The following BAZ1B variants were observed in gnomAD, a reference collection of about 807,000 sequenced individuals.
BAZ1B encodes the protein bromodomain adjacent to zinc finger domain 1B.
In BAZ1B, 22 loss-of-function variants were observed where a neutral mutation model predicts 153.8. That is an observed-to-expected ratio of 0.14 (90% CI 0.10 to 0.20). BAZ1B has a LOEUF of 0.20. Among genes scored for constraint, BAZ1B ranks in the 10% least tolerant of loss-of-function variants. The pLI, the probability that BAZ1B is intolerant of heterozygous loss-of-function variation, is 1.00. For synonymous variants in BAZ1B, 676 were observed against 633.4 expected, an observed-to-expected ratio of 1.07 and a Z score of -1.01; for missense variants, 1,325 against 1,799.3, an observed-to-expected ratio of 0.74 and a Z score of 4.77.
At chr7:73,470,105 T>A (rs1240802576) in intron 8 of BAZ1B, among the ~76,000 whole-genome samples, 2 of 152,228 alleles carry the variant, frequency 1.3e-5, no homozygotes, top group African/African-American at 4.8e-5. Flanking sequence ...ACATTTCACC[T>A]ATCACCATCA....
At chr7:73,463,440 A>G (rs1025419042) in intron 11 of BAZ1B, among the ~76,000 whole-genome samples, 3 of 151,700 alleles carry the variant, frequency 2.0e-5, no homozygotes, top group African/African-American at 7.3e-5. Flanking sequence ...GGGTCTTGCT[A>G]TGTTGCCCAG....
chr7:73,485,641 A>AAG (rs539444922), intron 6 of BAZ1B, among the ~76,000 whole-genome samples: 3 of 151,528 alleles, frequency 2.0e-5, no homozygotes, highest in African/African-American at 4.9e-5. Flanking sequence ...AAAAAAAAAA[A>AAG]AGAGAGAGAG....
chr7:73,474,549 C>A lies in BAZ1B; in HGVS notation c.2593+2319G>T, dbSNP rs548740881. Among the ~76,000 whole-genome samples the A allele has an allele frequency of 9.2e-5, 14 of 152,212 alleles. No homozygotes were observed. The East Asian group carries it at 2.5e-3, about 27-fold the overall frequency. ...CAGCACTCTGGGAGGCCAAGGCGTGCGGATCACCTGAGGTCAGGAGTTCGA... is the reference window on the plus strand; with the variant it reads ...CAGCACTCTGGGAGGCCAAGGCGTGAGGATCACCTGAGGTCAGGAGTTCGA... On this transcript the variant is annotated intron_variant, in intron 7 of 19. Transcript: ENST00000339594.
intron 9 of BAZ1B, among the ~76,000 whole-genome samples, chr7:73,467,531 G>A (rs953150284): frequency 5.9e-5 from 9 of 151,606 alleles, no homozygotes; most frequent in Admixed American, 2.6e-4. Context: ...CACCACACCC[G>A]GCTAATTTTT....
intron 5 of BAZ1B, among the ~76,000 whole-genome samples, chr7:73,491,222 G>A: frequency 6.6e-6 from 1 of 152,126 alleles, no homozygotes; most frequent in East Asian, 2.0e-4. Context: ...AGAGGCAGAG[G>A]CTGTAGTGAG....
At chr7:73,446,122 G>T (rs545875011) in intron 16 of BAZ1B, among the ~76,000 whole-genome samples, 12 of 152,168 alleles carry the variant, frequency 7.9e-5, no homozygotes, top group Non-Finnish European at 1.6e-4. Flanking sequence ...AAATCATTAG[G>T]TTTTGGCAGT....
rs1454029740 is a variant in BAZ1B at position 73,450,163 on chromosome 7, T to G, written c.3581-474A>C. Among the ~76,000 whole-genome samples the G allele has an allele frequency of 1.3e-5, 2 of 152,254 alleles. No individual in the cohort carries two copies. Among genetic ancestry groups the G allele is most frequent in the East Asian group, 3.9e-4 (2 of 5,168 alleles). On this transcript the variant is annotated intron_variant, in intron 14 of 19. Coordinates refer to ENST00000339594, the MANE Select transcript of BAZ1B (RefSeq NM_032408.4). The surrounding 1 kb of genome is among the most constrained non-coding windows in gnomAD (Gnocchi z 4.1). ...CCCGGGTTCAAGTGATTCTCCTGCTTCAGCCTCCCAAAGTGCTGGGATTAC... is the reference window on the plus strand; with the variant it reads ...CCCGGGTTCAAGTGATTCTCCTGCTGCAGCCTCCCAAAGTGCTGGGATTAC...
intron 4 of BAZ1B, among the ~76,000 whole-genome samples, chr7:73,497,458 G>C (rs1490399151): frequency 6.6e-6 from 1 of 152,106 alleles, no homozygotes; most frequent in African/African-American, 2.4e-5. Flanking sequence ...TATGGTCTGT[G>C]TAAGTTTTGA....
Position 73,510,828 on chromosome 7 carries a change from C to A in BAZ1B, c.132G>T (p.Arg44Ser). The change falls in exon 2 of 20, where the codon AGG becomes AGT. Residue 44 changes from arginine (R) to serine (S), a missense_variant. By Grantham distance (110) the Arg-to-Ser change is moderately radical. Coordinates refer to ENST00000339594, the MANE Select transcript of BAZ1B (RefSeq NM_032408.4). ...TGCACGTCCAAATGCGCTCACTGTA[C>A]CTTTCCAAGCGGGCTTCATACTCTC... ...TREEYEARLE[R>S]YSERIWTCKS... 6.2e-7 allele frequency: 1 copy of A among 1,614,162 alleles called. No individual in the cohort carries two copies. The highest frequency in any genetic ancestry group is 8.5e-7 in the Non-Finnish European group (1 of 1,180,026).
At position 73,465,468 on chromosome 7, in the gene BAZ1B, T is replaced by C; in HGVS notation, c.3042A>G (p.Glu1014=). The change falls in exon 11 of 20, where the codon GAA becomes GAG. Residue 1014 remains glutamate, a synonymous_variant. Coordinates refer to ENST00000339594, the MANE Select transcript of BAZ1B (RefSeq NM_032408.4). The part of the protein sequence containing the change: ...LNCLHPQGIR[E]SQLKERLEKR... ...TCTCTAGTCTCTCTTTAAGTTGACT[T>C]TCTCTTATTCCCTGAGGGTGAAGAC... 1 of 1,609,112 alleles carries C rather than the reference T, an allele frequency of 6.2e-7. No homozygotes were observed. Among genetic ancestry groups the C allele is most frequent in the Non-Finnish European group, 8.5e-7 (1 of 1,177,590 alleles).
rs145723706 is a variant in BAZ1B at position 73,502,141 on chromosome 7, G to A, written c.370-3443C>T. ...CCTGACCTCGTGATCTGCCTGCCTC[G>A]GCCTCCCAAAGTGCTGGGATTACAG... On this transcript the variant is annotated intron_variant, in intron 3 of 19. Coordinates refer to ENST00000339594, the MANE Select transcript of BAZ1B (RefSeq NM_032408.4). Among the ~76,000 whole-genome samples, 1,136 of 151,772 alleles carry A rather than the reference G, an allele frequency of 7.5e-3. 12 individuals are homozygous for A. Among genetic ancestry groups the A allele is most frequent in the African/African-American group, 0.026 (1,081 of 41,382 alleles).
intron 13 of BAZ1B, among the ~76,000 whole-genome samples, chr7:73,453,028 G>A (rs1179210486): frequency 9.2e-5 from 14 of 152,198 alleles, no homozygotes; most frequent in Non-Finnish European, 1.5e-4. Context: ...AAAGAGATTT[G>A]AGAGACAATC....
At chr7:73,469,094 C>G (rs1788700155) in intron 9 of BAZ1B, among the ~76,000 whole-genome samples, 1 of 150,398 alleles carries the variant, frequency 6.6e-6, no homozygotes, top group South Asian at 2.1e-4. Flanking sequence ...CACGCCATTG[C>G]TCTCCAGCCT....
chr7:73,489,715 C>G (rs1178758204), intron 5 of BAZ1B, among the ~76,000 whole-genome samples: 1 of 152,136 alleles, frequency 6.6e-6, no homozygotes, highest in African/African-American at 2.4e-5. Flanking sequence ...ATTACTTGAA[C>G]CCAGGAGTTC....
At position 73,522,063 on chromosome 7, in the gene BAZ1B, G is replaced by T; in HGVS notation, c.-130C>A. ...GGGAAGGGAGGGGTGAGAGGGCGGC[G>T]CGAACTCCGGCTCCCTCACCGCCGG... On this transcript the variant is annotated 5_prime_UTR_variant, in exon 1 of 20. Transcript: ENST00000339594. 1 of 563,044 alleles carries T rather than the reference G, an allele frequency of 1.8e-6. No individual in the cohort carries two copies. The highest frequency in any genetic ancestry group is 3.5e-5 in the East Asian group (1 of 28,410). The allele number at this position is 563,044 out of a possible 1,614,324, so 34.9% of individuals were successfully genotyped here.
In BAZ1B at chr7:73,477,484, T is replaced by C; in HGVS notation, c.1977A>G (p.Leu659=). ...LYLNRVLVIL[L]QTLLQDEIAE... ...CTATCTCATCTTGTAGGAGGGTCTG[T>C]AAGAGGATGACCAACACCCTGTTAA... Residue 659 remains leucine, a synonymous_variant, in exon 7 of 20, where the codon TTA becomes TTG. Coordinates refer to ENST00000339594, the MANE Select transcript of BAZ1B (RefSeq NM_032408.4). This position sits in a 1 kb window ranked among gnomAD's most constrained non-coding sequence, Gnocchi z 5.6. 6.2e-7 allele frequency: 1 copy of C among 1,614,216 alleles called. No homozygotes were observed. Among genetic ancestry groups the C allele is most frequent in the Non-Finnish European group, 8.5e-7 (1 of 1,180,020 alleles).
rs1787998456 is a variant in BAZ1B at position 73,450,595 on chromosome 7, C to T, written c.3580+252G>A. ...TACAAGGATTAACTAATTTTGTTTT[C>T]TGTAAAAAATCAGAAGATTGAAGAG... On this transcript the variant is annotated intron_variant, in intron 14 of 19. Transcript: ENST00000339594. The surrounding 1 kb of genome is among the most constrained non-coding windows in gnomAD (Gnocchi z 4.1). Among the ~76,000 whole-genome samples, 1 of 152,120 alleles carries T rather than the reference C, an allele frequency of 6.6e-6. No homozygotes were observed. Among genetic ancestry groups the T allele is most frequent in the Non-Finnish European group, 1.5e-5 (1 of 68,008 alleles).
At chr7:73,443,892 C>T in intron 17 of BAZ1B, 92 bp downstream of exon 17, 1 of 1,554,368 alleles carries the variant, frequency 6.4e-7, no homozygotes, top group Non-Finnish European at 8.8e-7. Flanking sequence ...GGGGGAGGCT[C>T]CCCTCCCACC....
chr7:73,512,321 C>G (rs1790620751), intron 1 of BAZ1B, among the ~76,000 whole-genome samples: 1 of 150,370 alleles, frequency 6.7e-6, no homozygotes, highest in Non-Finnish European at 1.5e-5. Context: ...TTTAGCTGAT[C>G]AACTGTTTTT....
Sources: gnomAD v4.1 joint callset for allele counts (sites outside exome capture counted in the v4.1 genomes callset) on GRCh38, gnomAD v4.1.1 for gene constraint, Gnocchi (gnomAD v3.1) non-coding constraint, MANE v1.5 for transcripts, NCBI Gene and HGNC (gene_info 2026-07-23, HGNC 2026-07-21) for gene names.